The following RAP1A variants were observed in gnomAD, a reference collection of about 807,000 sequenced individuals.
RAP1A encodes the protein RAP1A, member of RAS oncogene family.
In RAP1A, 6 loss-of-function variants were observed where a neutral mutation model predicts 26.4. The ratio of observed to expected loss-of-function variants is 0.23; its 90% CI spans 0.12 to 0.45. RAP1A has a LOEUF of 0.45. RAP1A is among the 20% of genes least tolerant of loss of function. RAP1A has a pLI of 0.99. For synonymous variants in RAP1A, 73 were observed against 79.4 expected (o/e 0.92, Z 0.43); for missense variants, 121 against 217.2 (o/e 0.56, Z 2.78).
intron 1 of RAP1A, among the ~76,000 whole-genome samples, chr1:111,675,496 C>G (rs939156811): frequency 6.6e-6 from 1 of 151,790 alleles, no homozygotes; most frequent in African/African-American, 2.4e-5. Flanking sequence ...AAAAAAACAG[C>G]CTGGAGTCTC....
At chr1:111,649,624 A>G (rs1252796368) in intron 1 of RAP1A, 1 of 201,182 alleles carries the variant, frequency 5.0e-6, no homozygotes, top group African/African-American at 2.3e-5. Context: ...ATCATTGCCT[A>G]ATATCCCTTT....
rs541460370 is a variant in RAP1A at position 111,653,375 on chromosome 1, C to T, written c.-28+33441C>T. On this transcript the variant is annotated intron_variant, in intron 1 of 7. Transcript: ENST00000369709. ...CTTGTGAATATAATTTTTAAATCCA[C>T]TGAATTGTGTACTTGAAAATGGTGG... Among the ~76,000 whole-genome samples, 3 of 152,118 alleles carry T rather than the reference C, an allele frequency of 2.0e-5. No homozygotes were observed. The South Asian group carries it at 6.2e-4, about 32-fold the overall frequency.
chr1:111,658,569 GAC>G (rs1474736909), intron 1 of RAP1A, among the ~76,000 whole-genome samples: 2 of 151,768 alleles, frequency 1.3e-5, no homozygotes, highest in Non-Finnish European at 2.9e-5. Context: ...TAAAAACTAA[GAC>G]ACAAACACAC....
intron 1 of RAP1A, among the ~76,000 whole-genome samples, chr1:111,554,533 A>G (rs1657403022): frequency 6.6e-6 from 1 of 152,248 alleles, no homozygotes; most frequent in Admixed American, 6.5e-5. Context: ...TCTCAGGTCT[A>G]CACAAATTCA....
chr1:111,644,627 G>A (rs1660007898), intron 1 of RAP1A, among the ~76,000 whole-genome samples: 1 of 152,150 alleles, frequency 6.6e-6, no homozygotes, highest in African/African-American at 2.4e-5. Context: ...TACTAGACAT[G>A]CACAAATAAA....
chr1:111,654,545 G>C (rs766061403), intron 1 of RAP1A, among the ~76,000 whole-genome samples: 2 of 152,096 alleles, frequency 1.3e-5, no homozygotes, highest in African/African-American at 4.8e-5. Flanking sequence ...TCTGTAGGTC[G>C]TATGTTTTCT....
chr1:111,554,060 A>G lies in RAP1A; in HGVS notation c.-28+11551A>G, dbSNP rs774623090. On this transcript the variant is annotated intron_variant, in intron 1 of 7. Transcript: ENST00000356415. ...GGTTACGTGCATATGCACTAAAGCC[A>G]GAATTCCCAGATTTAGATCCCCACC... Among the ~76,000 whole-genome samples, 55 of 152,382 alleles carry G rather than the reference A, an allele frequency of 3.6e-4. 1 individual carries two copies. Among genetic ancestry groups the G allele is most frequent in the Middle Eastern group, 3.4e-3 (1 of 294 alleles).
intron 1 of RAP1A, among the ~76,000 whole-genome samples, chr1:111,564,748 G>A (rs1305067077): frequency 6.6e-6 from 1 of 151,074 alleles, no homozygotes; most frequent in Non-Finnish European, 1.5e-5. Flanking sequence ...TCCTGACCTT[G>A]TGATCCATCC....
chr1:111,571,435 C>T (rs572174330), intron 1 of RAP1A, among the ~76,000 whole-genome samples: 4 of 152,306 alleles, frequency 2.6e-5, no homozygotes, highest in African/African-American at 9.6e-5. Flanking sequence ...GACCAGCCTC[C>T]ATCCTGGAGA....
chr1:111,631,414 A>T (rs12753766), intron 1 of RAP1A, among the ~76,000 whole-genome samples: 12,375 of 152,206 alleles, frequency 0.081, 637 homozygotes, highest in African/African-American at 0.16. Flanking sequence ...AAGGGAACTC[A>T]TATGTTTTTG....
chr1:111,697,552 A>G, intron 4 of RAP1A, 55 bp downstream of exon 4: 3 of 1,602,664 alleles, frequency 1.9e-6, no homozygotes, highest in East Asian at 2.2e-5. Flanking sequence ...AGGTTTTGTC[A>G]TCTGAGTAGG....
chr1:111,708,415 A>AAGTT (rs1279844619), intron 6 of RAP1A, among the ~76,000 whole-genome samples: 3 of 152,246 alleles, frequency 2.0e-5, no homozygotes, highest in Non-Finnish European at 4.4e-5. Flanking sequence ...AAATCAAGGG[A>AAGTT]AGTTACTAGC....
intron 1 of RAP1A, among the ~76,000 whole-genome samples, chr1:111,614,633 C>G (rs963402023): frequency 5.9e-5 from 9 of 152,170 alleles, no homozygotes; most frequent in Admixed American, 4.6e-4. Context: ...TGTTTCTCTT[C>G]AAACGTCTGA....
chr1:111,585,573 C>G (rs1436850773), intron 1 of RAP1A, among the ~76,000 whole-genome samples: 1 of 152,098 alleles, frequency 6.6e-6, no homozygotes, highest in Non-Finnish European at 1.5e-5. Flanking sequence ...ACTCCTTTTG[C>G]CATGAGGCAA....
At chr1:111,653,512 G>A (rs533261016) in intron 1 of RAP1A, among the ~76,000 whole-genome samples, 2 of 151,534 alleles carry the variant, frequency 1.3e-5, no homozygotes, top group South Asian at 4.2e-4. Context: ...AGAAACCCCC[G>A]TCTCTACTAA....
At chr1:111,630,245 T>C (rs751347601) in intron 1 of RAP1A, among the ~76,000 whole-genome samples, 1 of 152,230 alleles carries the variant, frequency 6.6e-6, no homozygotes, top group Non-Finnish European at 1.5e-5. Flanking sequence ...TAGAATATTA[T>C]GTACATTTTT....
intron 1 of RAP1A, among the ~76,000 whole-genome samples, chr1:111,656,991 G>GT (rs1441394818): frequency 6.6e-6 from 1 of 152,022 alleles, no homozygotes; most frequent in African/African-American, 2.4e-5. Flanking sequence ...CCATTAAACA[G>GT]TAATTCCCCA....
intron 6 of RAP1A, among the ~76,000 whole-genome samples, chr1:111,705,168 G>A (rs1479451729): frequency 6.6e-6 from 1 of 152,144 alleles, no homozygotes; most frequent in African/African-American, 2.4e-5. Flanking sequence ...ATTTCCAACT[G>A]TCCCCACCAG....
At chr1:111,645,706 C>G (rs1260757006) in intron 1 of RAP1A, among the ~76,000 whole-genome samples, 8 of 152,214 alleles carry the variant, frequency 5.3e-5, no homozygotes, top group Non-Finnish European at 1.2e-4. Context: ...GAGCCAGGCA[C>G]TGTTATCCCT....
Sources: gnomAD v4.1 joint callset for allele counts (sites outside exome capture counted in the v4.1 genomes callset) on GRCh38, gnomAD v4.1.1 for gene constraint, MANE v1.5 for transcripts, NCBI Gene and HGNC (gene_info 2026-07-23, HGNC 2026-07-21) for gene names.